The following LINC00305 variants were observed in gnomAD, a reference collection of about 807,000 sequenced individuals.
The protein encoded by LINC00305 is long independently transcribed non-coding RNA 305, also known as long intergenic non-protein coding RNA 305.
intron 1 of LINC00305, among the ~76,000 whole-genome samples, chr18:64,099,391 G>T (rs1309721035): frequency 6.6e-6 from 1 of 152,106 alleles, no homozygotes; most frequent in African/African-American, 2.4e-5. Flanking sequence ...CCTCATAGGG[G>T]AATCAGAGAG....
intron 1 of LINC00305, among the ~76,000 whole-genome samples, chr18:64,115,035 C>T (rs2051331756): frequency 6.6e-6 from 1 of 152,188 alleles, no homozygotes; most frequent in South Asian, 2.1e-4. Flanking sequence ...TTGTCGTCAG[C>T]CCTCTGGGAT....
intron 1 of LINC00305, among the ~76,000 whole-genome samples, chr18:64,137,796 A>G (rs1031210393): frequency 1.3e-5 from 2 of 152,094 alleles, no homozygotes; most frequent in African/African-American, 4.8e-5. Context: ...TTTACTAAAA[A>G]GGAATTTATC....
intron 3 of LINC00305, among the ~76,000 whole-genome samples, chr18:64,090,403 C>A (rs141397590): frequency 2.6e-5 from 4 of 152,306 alleles, no homozygotes; most frequent in African/African-American, 7.2e-5. Flanking sequence ...GTTAAGCATG[C>A]AGACACACAC....
At chr18:64,135,679 G>C (rs138622579) in intron 1 of LINC00305, among the ~76,000 whole-genome samples, 1 of 152,022 alleles carries the variant, frequency 6.6e-6, no homozygotes, top group Non-Finnish European at 1.5e-5. Context: ...TCCACCTCCC[G>C]GGTTCTAGTG....
chr18:64,103,449 C>G (rs969006991), intron 1 of LINC00305, among the ~76,000 whole-genome samples: 4 of 152,198 alleles, frequency 2.6e-5, no homozygotes, highest in Non-Finnish European at 4.4e-5. Flanking sequence ...TGCGGCACTT[C>G]TCGTCCTGGT....
exon 3 of LINC00305, chr18:64,097,917 G>A (rs2051251500): frequency 2.2e-6 from 1 of 457,952 alleles, no homozygotes; most frequent in South Asian, 1.5e-5. Flanking sequence ...TGTAAGTGTG[G>A]CTGATAAACC....
At chr18:64,143,741 TTA>T (rs1380575906) in intron 1 of LINC00305, among the ~76,000 whole-genome samples, 2 of 70,912 alleles carry the variant, frequency 2.8e-5, no homozygotes, top group Non-Finnish European at 5.9e-5. Context: ...TGTCCACATA[TTA>T]TGCGTACATG....
chr18:64,135,203 G>T (rs1001193983), intron 1 of LINC00305, among the ~76,000 whole-genome samples: 1 of 152,012 alleles, frequency 6.6e-6, no homozygotes, highest in Non-Finnish European at 1.5e-5. Flanking sequence ...AAGGACACCG[G>T]TCATATTAGA....
intron 1 of LINC00305, chr18:64,104,010 A>G (rs1459022201): frequency 6.6e-6 from 1 of 152,244 alleles, no homozygotes; most frequent in East Asian, 1.9e-4. Flanking sequence ...GTATGTCACA[A>G]TGGAATCTGG....
chr18:64,109,896 C>A (rs975318507), intron 1 of LINC00305, among the ~76,000 whole-genome samples: 1 of 152,194 alleles, frequency 6.6e-6, no homozygotes, highest in Non-Finnish European at 1.5e-5. Flanking sequence ...GCCTGTGGGC[C>A]GCACGTGGCC....
At chr18:64,099,071 T>C (rs113593345) in intron 1 of LINC00305, among the ~76,000 whole-genome samples, 2 of 152,180 alleles carry the variant, frequency 1.3e-5, no homozygotes, top group African/African-American at 4.8e-5. Context: ...CTGTCTCTAT[T>C]CCTGTTGACC....
At chr18:64,129,078 C>T (rs2144266331) in intron 1 of LINC00305, among the ~76,000 whole-genome samples, 1 of 152,234 alleles carries the variant, frequency 6.6e-6, no homozygotes, top group Admixed American at 6.5e-5. Context: ...TCATGCGATA[C>T]ATTTTTAAAT....
rs182911960 is a variant in LINC00305 at position 64,096,483 on chromosome 18, G to T, written n.540+1351C>A. 1.6e-4 allele frequency among the ~76,000 whole-genome samples: 24 copies of T among 151,800 alleles called. No individual in the cohort carries two copies. In the East Asian group the frequency reaches 3.1e-3, roughly 20 times the overall value. ...TCAATAAATGAAAATAGTAAAACCA[G>T]AAATAGGTACATATACAGAAGTTTA... On this transcript the variant is annotated intron_variant and non_coding_transcript_variant, in intron 3 of 3. Transcript: ENST00000666468.
intron 1 of LINC00305, among the ~76,000 whole-genome samples, chr18:64,130,755 C>T (rs2051406110): frequency 6.6e-6 from 1 of 152,020 alleles, no homozygotes; most frequent in Admixed American, 6.6e-5. Context: ...TATGAGTTTC[C>T]TGGTAGACAG....
chr18:64,087,736 T>C (rs1018779122), intron 3 of LINC00305, among the ~76,000 whole-genome samples: 1 of 152,044 alleles, frequency 6.6e-6, no homozygotes, highest in Non-Finnish European at 1.5e-5. Context: ...GATGAATACA[T>C]AAAAGAATTA....
chr18:64,138,460 A>T (rs1267367281), intron 1 of LINC00305, among the ~76,000 whole-genome samples: 1 of 152,186 alleles, frequency 6.6e-6, no homozygotes, highest in Non-Finnish European at 1.5e-5. Flanking sequence ...TGGAAATGTT[A>T]TTTACATCAC....
rs2051480530 is a variant in LINC00305, at chr18:64,143,686, ACATATTATGCGTACATGTATGTC to A, written n.314+5066_314+5088del. Among the ~76,000 whole-genome samples, 17 of 149,214 alleles carry A rather than the reference ACATATTATGCGTACATGTATGTC, an allele frequency of 1.1e-4. 2 individuals are homozygous for A. The highest frequency in any genetic ancestry group is 6.4e-4 in the South Asian group (3 of 4,724). On this transcript the variant is annotated intron_variant and non_coding_transcript_variant, in intron 1 of 3. Coordinates refer to ENST00000666468, the Ensembl canonical transcript of LINC00305. ...GTATTATGTATACATATGTATGTCC[ACATATTATGCGTACATGTATGTC>A]CACATATTATGCGTACATGTATGTC...
intron 1 of LINC00305, among the ~76,000 whole-genome samples, chr18:64,131,572 G>A (rs1356568118): frequency 6.6e-6 from 1 of 152,138 alleles, no homozygotes; most frequent in Non-Finnish European, 1.5e-5. Flanking sequence ...GAAATACAAA[G>A]CCAACAATTT....
intron 3 of LINC00305, among the ~76,000 whole-genome samples, chr18:64,096,363 T>C (rs2051245169): frequency 6.6e-6 from 1 of 151,830 alleles, no homozygotes; most frequent in Non-Finnish European, 1.5e-5. Context: ...ATTATCAATG[T>C]CCGAAACAGC....
Sources: gnomAD v4.1 joint callset for allele counts (sites outside exome capture counted in the v4.1 genomes callset) on GRCh38, gnomAD v4.1.1 for gene constraint, MANE v1.5 for transcripts, NCBI Gene and HGNC (gene_info 2026-07-23, HGNC 2026-07-21) for gene names.